Variants in KCNA6 observed in about 807,000 individuals in gnomAD.
KCNA6 encodes potassium voltage-gated channel subfamily A member 6.
In KCNA6, 17 loss-of-function variants were observed where a neutral mutation model predicts 29.5. The ratio of observed to expected loss-of-function variants is 0.58; its 90% CI spans 0.39 to 0.86. The LOEUF is 0.86. KCNA6 is among the 40% of genes least tolerant of loss of function. The pLI, the probability that KCNA6 is intolerant of heterozygous loss-of-function variation, is 0.00. For synonymous variants in KCNA6, 296 were observed against 304.7 expected (o/e 0.97, Z 0.30); for missense variants, 450 against 703.4 (o/e 0.64, Z 4.07).
chr12:4,838,215 T>G, the KCNA6 span, among the ~76,000 whole-genome samples: 1 of 152,202 alleles, frequency 6.6e-6, no homozygotes, highest in Admixed American at 6.5e-5. Flanking sequence ...CTGTCTCTTT[T>G]GTTCTTGGGA....
At chr12:4,845,816 C>T in the KCNA6 span, among the ~76,000 whole-genome samples, 1 of 151,874 alleles carries the variant, frequency 6.6e-6, no homozygotes, top group Non-Finnish European at 1.5e-5. Context: ...CTTATAACAA[C>T]AGTAACAATC....
the KCNA6 span, among the ~76,000 whole-genome samples, chr12:4,837,211 A>G: frequency 1.3e-5 from 2 of 152,348 alleles, no homozygotes; most frequent in South Asian, 4.1e-4. Context: ...AGCTGAACAC[A>G]TTGAGGTTCC....
the KCNA6 span, among the ~76,000 whole-genome samples, chr12:4,835,932 C>CTTTTTT: frequency 1.1e-5 from 1 of 89,006 alleles, no homozygotes; most frequent in African/African-American, 5.1e-5. Context: ...TAAAAAGTCG[C>CTTTTTT]TGTTTTTTTT....
chr12:4,824,372 G>A, the KCNA6 span, among the ~76,000 whole-genome samples: 17 of 152,068 alleles, frequency 1.1e-4, no homozygotes, highest in Admixed American at 5.2e-4. Context: ...TTGTAGATTT[G>A]GACTTCCTGA....
At chr12:4,815,044 C>G (rs1474900858), downstream of KCNA6, among the ~76,000 whole-genome samples, 3 of 152,134 alleles carry the variant, frequency 2.0e-5, no homozygotes, top group African/African-American at 7.2e-5. Flanking sequence ...GTGCATTTTT[C>G]TCTTTCCTTC....
At chr12:4,834,865 C>T in the KCNA6 span, among the ~76,000 whole-genome samples, 1 of 152,128 alleles carries the variant, frequency 6.6e-6, no homozygotes, top group Admixed American at 6.5e-5. Context: ...GTTCTAAGCC[C>T]TCTTACCCAG....
chr12:4,832,902 AC>A, the KCNA6 span, among the ~76,000 whole-genome samples: 1 of 148,366 alleles, frequency 6.7e-6, no homozygotes, highest in Non-Finnish European at 1.5e-5. Context: ...TTCTAGAGAT[AC>A]ATGTGCCACC....
the KCNA6 span, among the ~76,000 whole-genome samples, chr12:4,832,913 C>A: frequency 7.5e-6 from 1 of 134,206 alleles, no homozygotes; most frequent in Non-Finnish European, 1.7e-5. Flanking sequence ...CATGTGCCAC[C>A]AAACCCTCAC....
chr12:4,831,958 G>A, the KCNA6 span, among the ~76,000 whole-genome samples: 2 of 152,284 alleles, frequency 1.3e-5, no homozygotes, highest in African/African-American at 4.8e-5. Context: ...AACATGGTGA[G>A]GGTGTTCTAT....
the KCNA6 span, among the ~76,000 whole-genome samples, chr12:4,830,073 T>C: frequency 6.6e-6 from 1 of 152,196 alleles, no homozygotes; most frequent in African/African-American, 2.4e-5. Context: ...GCGAGGCTCT[T>C]TCTTCCCCTT....
At chr12:4,829,900 G>A in the KCNA6 span, among the ~76,000 whole-genome samples, 1 of 152,204 alleles carries the variant, frequency 6.6e-6, no homozygotes, top group Admixed American at 6.5e-5. Context: ...GGCCGAGAGA[G>A]GTTGACTGAA....
chr12:4,832,932 G>A, the KCNA6 span, among the ~76,000 whole-genome samples: 1 of 152,126 alleles, frequency 6.6e-6, no homozygotes, highest in South Asian at 2.1e-4. Flanking sequence ...ACCTCAGGGG[G>A]GTCAACAACC....
At chr12:4,821,193 T>A in the KCNA6 span, among the ~76,000 whole-genome samples, 1 of 152,042 alleles carries the variant, frequency 6.6e-6, no homozygotes, top group African/African-American at 2.4e-5. Flanking sequence ...GAAGGCCTGG[T>A]GGTTGAGCCA....
the KCNA6 span, among the ~76,000 whole-genome samples, chr12:4,819,269 C>T: frequency 1.3e-5 from 2 of 152,326 alleles, no homozygotes; most frequent in Admixed American, 6.5e-5. Context: ...TTTCCTCACA[C>T]ACCTGCTCCT....
the KCNA6 span, chr12:4,851,055 C>A: frequency 4.5e-4 from 110 of 242,348 alleles, no homozygotes; most frequent in African/African-American, 2.4e-3. Context: ...TGTTGCAGAC[C>A]CCCCCAGGAC....
chr12:4,814,578 G>C (rs1435877601), downstream of KCNA6: 1 of 167,118 alleles, frequency 6.0e-6, no homozygotes. The surrounding 1 kb of genome is among the most constrained non-coding windows in gnomAD (Gnocchi z 4.6). Flanking sequence ...TGGATTTTGT[G>C]CCTTGAGCAC....
chr12:4,810,215 C>T lies in KCNA6; in HGVS notation c.174C>T (p.Thr58=). The change falls in exon 1 of 1, where the codon ACC becomes ACT. Residue 58 remains threonine (T), a synonymous_variant. Coordinates refer to ENST00000280684, the Ensembl canonical transcript of KCNA6. The surrounding 1 kb of genome is among the most constrained non-coding windows in gnomAD (Gnocchi z 7.5). ...TGCGCTTTGAGACACAATTGCGCACCCTGTCGCTGTTTCCGGACACGCTGC... is the reference window on the plus strand; with the variant it reads ...TGCGCTTTGAGACACAATTGCGCACTCTGTCGCTGTTTCCGGACACGCTGC... The T allele has an allele frequency of 2.5e-6, 4 of 1,613,760 alleles. No individual in the cohort carries two copies. The highest frequency in any genetic ancestry group is 3.4e-6 in the Non-Finnish European group (4 of 1,180,008).
chr12:4,849,886 T>C, the KCNA6 span, among the ~76,000 whole-genome samples: 1 of 152,222 alleles, frequency 6.6e-6, no homozygotes, highest in African/African-American at 2.4e-5. Flanking sequence ...GAAATGACAA[T>C]GATTGCTGGT....
chr12:4,846,727 G>T, the KCNA6 span, among the ~76,000 whole-genome samples: 2 of 148,810 alleles, frequency 1.3e-5, no homozygotes, highest in Non-Finnish European at 3.0e-5. Context: ...CTCCAGTATG[G>T]TCTAGGCCTG....
Sources: allele counts gnomAD v4.1 joint callset (sites outside exome capture counted in the v4.1 genomes callset), GRCh38; gene constraint gnomAD v4.1.1; non-coding constraint Gnocchi (gnomAD v3.1); transcripts MANE v1.5; gene names NCBI Gene and HGNC (gene_info 2026-07-23, HGNC 2026-07-21).